Variants in FBXL2 observed in about 807,000 individuals in gnomAD.
FBXL2 encodes F-box and leucine rich repeat protein 2.
A neutral mutation model predicts 69.2 loss-of-function variants in FBXL2; 38 were observed. The observed-to-expected ratio is 0.55, with a 90% CI of 0.42 to 0.72. The LOEUF (loss-of-function observed/expected upper bound fraction) is 0.72. FBXL2 is among the 30% of genes least tolerant of loss of function. The pLI, the probability that FBXL2 is intolerant of heterozygous loss-of-function variation, is 0.00. For missense variants in FBXL2, 354 were observed against 520.3 expected, an observed-to-expected ratio of 0.68 and a Z score of 3.11; for synonymous variants, 192 against 201.3, an observed-to-expected ratio of 0.95 and a Z score of 0.39.
chr3:33,421,517 A>G, the FBXL2 span, among the ~76,000 whole-genome samples: 57,435 of 151,836 alleles, frequency 0.38, 11,800 homozygotes, highest in East Asian at 0.6. Flanking sequence ...TGATCTGCCC[A>G]CCTCAGCCTC....
At chr3:33,328,466 A>G (rs2038883529) in intron 2 of FBXL2, among the ~76,000 whole-genome samples, 3 of 152,196 alleles carry the variant, frequency 2.0e-5, no homozygotes, top group Admixed American at 2.0e-4. Context: ...AGCTATAGTA[A>G]CCAAATCTGT....
chr3:33,324,322 C>G (rs1246321199), intron 2 of FBXL2, among the ~76,000 whole-genome samples: 4 of 152,098 alleles, frequency 2.6e-5, no homozygotes, highest in Non-Finnish European at 5.9e-5. Flanking sequence ...TCCCATTTGT[C>G]AATTTTGGCT....
intron 2 of FBXL2, among the ~76,000 whole-genome samples, chr3:33,334,762 G>C (rs1057275377): frequency 1.3e-5 from 2 of 152,062 alleles, no homozygotes; most frequent in African/African-American, 4.8e-5. Flanking sequence ...GAAAGCTTAA[G>C]ACGACAGAAG....
rs1389550980 is a variant in FBXL2, at chr3:33,385,351, G to A, written c.1165-150G>A. On this transcript the variant is annotated intron_variant, in intron 14 of 14. Coordinates refer to ENST00000484457, the MANE Select transcript of FBXL2 (RefSeq NM_012157.5). ...TAATGGGGGGCAGACGGTGCGGGGA[G>A]TAACAGGAGTAGCTCTAATCTATAG... The A allele has an allele frequency of 1.6e-5, 12 of 750,604 alleles. No individual in the cohort carries two copies. In the East Asian group the frequency reaches 3.0e-4, roughly 19 times the overall value. 46.5% of individuals were successfully genotyped at this position (750,604 alleles called of 1,614,324 possible).
Position 33,359,377 on chromosome 3 carries a change from G to T in FBXL2, c.195+20G>T. ...GTAGAGGTAAGTTAGCTTTGGTTTAGACAAAAAACTTTTTAAAAATATGAG... is the reference window on the plus strand; with the variant it reads ...GTAGAGGTAAGTTAGCTTTGGTTTATACAAAAAACTTTTTAAAAATATGAG... On this transcript the variant is annotated intron_variant, in intron 4 of 14. Transcript: ENST00000484457. The T allele has an allele frequency of 6.3e-7, 1 of 1,590,566 alleles. No homozygotes were observed. Among genetic ancestry groups the T allele is most frequent in the South Asian group, 1.1e-5 (1 of 89,098 alleles).
the FBXL2 span, among the ~76,000 whole-genome samples, chr3:33,413,712 T>C: frequency 6.6e-6 from 1 of 152,092 alleles, no homozygotes; most frequent in South Asian, 2.1e-4. Context: ...TTCTTTGAGA[T>C]AAAGAGTACC....
At chr3:33,328,585 C>T (rs140991868) in intron 2 of FBXL2, among the ~76,000 whole-genome samples, 3 of 152,184 alleles carry the variant, frequency 2.0e-5, no homozygotes, top group African/African-American at 7.2e-5. Context: ...GCACCAAGAA[C>T]ATAAAATGGG....
chr3:33,314,511 G>A (rs1449241120), intron 2 of FBXL2, among the ~76,000 whole-genome samples: 2 of 152,206 alleles, frequency 1.3e-5, no homozygotes, highest in Admixed American at 1.3e-4. Context: ...TATGGCTAGA[G>A]AATATTCTAT....
the FBXL2 span, among the ~76,000 whole-genome samples, chr3:33,410,471 T>G: frequency 4.6e-3 from 696 of 152,356 alleles, 4 homozygotes; most frequent in African/African-American, 0.016. Context: ...ATATAAACCA[T>G]GCCCCCAGGG....
At chr3:33,365,389 C>T (rs2041890070) in intron 5 of FBXL2, among the ~76,000 whole-genome samples, 1 of 151,918 alleles carries the variant, frequency 6.6e-6, no homozygotes, top group African/African-American at 2.4e-5. Context: ...AAGTGATTCT[C>T]CTGCCTCAGC....
At chr3:33,329,089 T>G (rs1230264709) in intron 2 of FBXL2, among the ~76,000 whole-genome samples, 2 of 151,684 alleles carry the variant, frequency 1.3e-5, no homozygotes, top group Non-Finnish European at 2.9e-5. Context: ...ATAGTCCAAT[T>G]AAAAACAGGC....
In FBXL2 at chr3:33,343,074, G is replaced by GT. The variant is rs199724302; in HGVS notation, c.66-15885dup. Among the ~76,000 whole-genome samples, 1,450 of 150,760 alleles carry GT rather than the reference G, an allele frequency of 9.6e-3. 20 individuals carry two copies. Among genetic ancestry groups the GT allele is most frequent in the African/African-American group, 0.033 (1,349 of 41,090 alleles). On this transcript the variant is annotated intron_variant, in intron 2 of 14. Transcript: ENST00000484457. ...AACTTCTTAATATTTTCAGCCATCT[G>GT]TTTTTTTTGCTTATATGCATGTTAT... is the stretch of plus-strand genomic sequence containing the variant.
At chr3:33,352,683 G>A (rs2154038218) in intron 2 of FBXL2, among the ~76,000 whole-genome samples, 1 of 152,292 alleles carries the variant, frequency 6.6e-6, no homozygotes, top group Non-Finnish European at 1.5e-5. Context: ...ATCACTTAAG[G>A]TCAGGAGTTC....
At chr3:33,287,636 C>T (rs1371848547) in intron 1 of FBXL2, among the ~76,000 whole-genome samples, 1 of 152,174 alleles carries the variant, frequency 6.6e-6, no homozygotes, top group Non-Finnish European at 1.5e-5. Context: ...GCACTGCACC[C>T]AGCCTGAGTT....
intron 12 of FBXL2, chr3:33,398,312 A>C (rs1395182157): frequency 6.6e-6 from 1 of 152,194 alleles, no homozygotes; most frequent in African/African-American, 2.4e-5. Context: ...CTGTAAAACA[A>C]AGATCAGAGA....
In FBXL2 at chr3:33,348,510, A is replaced by G. The variant is rs1001294119; in HGVS notation, c.66-10457A>G. ...TATTCTGGGTCTTTTGTGATTCCGT[A>G]TAAATTTTAGGATTATTTTTATTCT... is the stretch of plus-strand genomic sequence containing the variant. On this transcript the variant is annotated intron_variant, in intron 2 of 14. Coordinates refer to ENST00000484457, the MANE Select transcript of FBXL2 (RefSeq NM_012157.5). Among the ~76,000 whole-genome samples, 9 of 152,292 alleles carry G rather than the reference A, an allele frequency of 5.9e-5. No individual in the cohort carries two copies. In the East Asian group the frequency reaches 9.6e-4, roughly 16 times the overall value.
intron 2 of FBXL2, among the ~76,000 whole-genome samples, chr3:33,301,748 G>A (rs2036315914): frequency 6.6e-6 from 1 of 152,120 alleles, no homozygotes; most frequent in African/African-American, 2.4e-5. Flanking sequence ...TGGGGAGTCA[G>A]TCACATAATT....
chr3:33,285,712 A>C lies in FBXL2; in HGVS notation c.3+8197A>C, dbSNP rs907201713. On this transcript the variant is annotated intron_variant, in intron 1 of 14. Coordinates refer to ENST00000484457, the MANE Select transcript of FBXL2 (RefSeq NM_012157.5). ...GTAGATTTGGTCTTTTCACATAGTC[A>C]CATATTTCTTGGAGGCTTTGTTCAT... Among the ~76,000 whole-genome samples, 18 of 152,276 alleles carry C rather than the reference A, an allele frequency of 1.2e-4. 1 individual carries two copies. The highest frequency in any genetic ancestry group is 1.0e-3 in the Admixed American group (16 of 15,278).
At chr3:33,330,914 AACAC>A (rs112591010) in intron 2 of FBXL2, among the ~76,000 whole-genome samples, 14,325 of 149,200 alleles carry the variant, frequency 0.096, 695 homozygotes, top group Admixed American at 0.11. Context: ...CACACACACA[AACAC>A]ACACACACAC....
Sources: gnomAD v4.1 joint callset for allele counts (sites outside exome capture counted in the v4.1 genomes callset) on GRCh38, gnomAD v4.1.1 for gene constraint, MANE v1.5 for transcripts, NCBI Gene and HGNC (gene_info 2026-07-23, HGNC 2026-07-21) for gene names.